Variants in THSD7B observed in about 807,000 individuals in gnomAD.
The protein encoded by THSD7B is thrombospondin type 1 domain containing 7B, also known as thrombospondin type-1 domain-containing protein 7B.
Under a neutral mutation model 213.6 loss-of-function variants are expected in THSD7B, and 138 were observed. The ratio of observed to expected loss-of-function variants is 0.65; its 90% confidence interval spans 0.56 to 0.74. THSD7B has a LOEUF of 0.74. THSD7B is among the 30% of genes least tolerant of loss of function. The pLI is 0.00. For missense variants in THSD7B, 1,931 were observed against 1,991.5 expected, an observed-to-expected ratio of 0.97 and a Z score of 0.58; for synonymous variants, 742 against 687.0, an observed-to-expected ratio of 1.08 and a Z score of -1.25.
At chr2:137,553,373 A>G (rs1573703348) in intron 15 of THSD7B, among the ~76,000 whole-genome samples, 1 of 152,072 alleles carries the variant, frequency 6.6e-6, no homozygotes, top group Non-Finnish European at 1.5e-5. Context: ...ACACAGTAAG[A>G]CCCCGCTTCC....
intron 14 of THSD7B, among the ~76,000 whole-genome samples, chr2:137,419,949 T>C (rs1306412289): frequency 1.3e-5 from 2 of 152,308 alleles, no homozygotes; most frequent in South Asian, 4.1e-4. Flanking sequence ...TTATGTCTCT[T>C]GAATATATAC....
intron 20 of THSD7B, among the ~76,000 whole-genome samples, chr2:137,628,452 C>G (rs1682676711): frequency 6.6e-6 from 1 of 152,136 alleles, no homozygotes; most frequent in African/African-American, 2.4e-5. Flanking sequence ...GGCAATTTCC[C>G]TATTTTTATG....
At chr2:137,203,365 T>C (rs1255742390) in intron 7 of THSD7B, among the ~76,000 whole-genome samples, 1 of 152,092 alleles carries the variant, frequency 6.6e-6, no homozygotes, top group Non-Finnish European at 1.5e-5. Flanking sequence ...TTGTCTGGAA[T>C]TGGCATGGGT....
intron 2 of THSD7B, among the ~76,000 whole-genome samples, chr2:136,936,479 A>G (rs1684732377): frequency 6.6e-6 from 1 of 152,244 alleles, no homozygotes; most frequent in Non-Finnish European, 1.5e-5. Flanking sequence ...ATGATGGAAT[A>G]CTACTCAGCC....
intron 11 of THSD7B, among the ~76,000 whole-genome samples, chr2:137,272,913 C>A (rs1349653067): frequency 6.6e-6 from 1 of 151,788 alleles, no homozygotes. Flanking sequence ...CTTATGCCAC[C>A]ATGGCAGTCC....
intron 12 of THSD7B, among the ~76,000 whole-genome samples, chr2:137,388,622 A>G (rs1685947997): frequency 6.6e-6 from 1 of 152,012 alleles, no homozygotes; most frequent in African/African-American, 2.4e-5. Context: ...CTCCTACCTA[A>G]TTATATGTTT....
intron 2 of THSD7B, among the ~76,000 whole-genome samples, chr2:137,029,078 CTTT>C (rs11443045): frequency 8.3e-6 from 1 of 121,008 alleles, no homozygotes; most frequent in Admixed American, 9.4e-5. Flanking sequence ...TCTTTGTAAG[CTTT>C]TTTTTTTTTT....
intron 12 of THSD7B, among the ~76,000 whole-genome samples, chr2:137,384,945 G>A (rs1471535732): frequency 6.6e-6 from 1 of 152,084 alleles, no homozygotes; most frequent in Non-Finnish European, 1.5e-5. Flanking sequence ...ACCTGACCAG[G>A]CTGAGAGAAA....
At chr2:137,202,288 TG>T (rs1196274253) in intron 7 of THSD7B, among the ~76,000 whole-genome samples, 1 of 152,104 alleles carries the variant, frequency 6.6e-6, no homozygotes, top group Non-Finnish European at 1.5e-5. Context: ...CTTAAAAATT[TG>T]GGAAAAGGGT....
At chr2:137,530,461 A>G (rs1049676010) in intron 15 of THSD7B, among the ~76,000 whole-genome samples, 5 of 152,014 alleles carry the variant, frequency 3.3e-5, no homozygotes, top group African/African-American at 9.7e-5. Context: ...CTAAACCACA[A>G]TATAAATGAT....
chr2:137,271,407 G>T (rs1442268645), intron 10 of THSD7B, among the ~76,000 whole-genome samples: 2 of 134,734 alleles, frequency 1.5e-5, no homozygotes, highest in African/African-American at 5.7e-5. Context: ...ATATATATAT[G>T]AATTATAATA....
chr2:137,404,460 TATATATATATATATACAC>T (rs1236113988), intron 12 of THSD7B, among the ~76,000 whole-genome samples: 96 of 102,306 alleles, frequency 9.4e-4, no homozygotes, highest in African/African-American at 3.1e-3. Context: ...TATATATATA[TATATATATATATATACAC>T]ACACACACAC....
intron 2 of THSD7B, among the ~76,000 whole-genome samples, chr2:137,000,991 C>A (rs1348167371): frequency 6.6e-6 from 1 of 152,084 alleles, no homozygotes; most frequent in Non-Finnish European, 1.5e-5. Context: ...TGTTACTTAT[C>A]CACCCTCCAG....
At chr2:137,197,402 G>C (rs2105020597) in intron 7 of THSD7B, among the ~76,000 whole-genome samples, 1 of 152,118 alleles carries the variant, frequency 6.6e-6, no homozygotes, top group South Asian at 2.1e-4. Flanking sequence ...TTTTATTCTT[G>C]TGACTTTTAT....
Position 137,379,226 on chromosome 2 carries a change from T to G in THSD7B, c.2501-26387T>G, listed in dbSNP as rs140711543. The stretch of plus-strand genomic sequence containing the variant: ...TTTATTTATTTAAAAATTCACTTTT[T>G]TTGAGGCAACAATAATTGGAGAATA... On this transcript the variant is annotated intron_variant, in intron 12 of 27. Transcript: ENST00000409968. 3.3e-5 allele frequency among the ~76,000 whole-genome samples: 5 copies of G among 152,334 alleles called. No homozygotes were observed. In the South Asian group the frequency reaches 8.3e-4, roughly 25 times the overall value.
chr2:137,374,724 C>T (rs1302121423), intron 12 of THSD7B, among the ~76,000 whole-genome samples: 1 of 152,126 alleles, frequency 6.6e-6, no homozygotes, highest in Admixed American at 6.6e-5. Flanking sequence ...TCAATAGAAC[C>T]ACAGATTACA....
chr2:137,145,234 ATATAAT>A (rs1303706873), intron 5 of THSD7B, among the ~76,000 whole-genome samples: 7 of 152,118 alleles, frequency 4.6e-5, no homozygotes, highest in African/African-American at 1.7e-4. Context: ...AAGGAGTATC[ATATAAT>A]TAGTTGACAA....
intron 2 of THSD7B, among the ~76,000 whole-genome samples, chr2:137,045,960 T>C (rs902131907): frequency 6.6e-6 from 1 of 152,168 alleles, no homozygotes; most frequent in Non-Finnish European, 1.5e-5. Flanking sequence ...TACAGGTTTC[T>C]ACCTACAATC....
intron 14 of THSD7B, among the ~76,000 whole-genome samples, chr2:137,418,199 T>C (rs1686841206): frequency 6.6e-6 from 1 of 152,200 alleles, no homozygotes; most frequent in Admixed American, 6.5e-5. Flanking sequence ...TGCTCTGCCT[T>C]AGTTCAGGCT....
Sources: allele counts gnomAD v4.1 joint callset (sites outside exome capture counted in the v4.1 genomes callset), GRCh38; gene constraint gnomAD v4.1.1; transcripts MANE v1.5; gene names NCBI Gene and HGNC (gene_info 2026-07-23, HGNC 2026-07-21).